CAPZB: variants seen among roughly 807,000 people sequenced by gnomAD.
CAPZB encodes capping actin protein of muscle Z-line subunit beta, also known as F-actin-capping protein subunit beta.
In CAPZB, 2 loss-of-function variants were observed where a neutral mutation model predicts 38.1. The observed-to-expected ratio is 0.05, with a 90% CI of 0.02 to 0.17. The LOEUF is 0.17. Ranked by LOEUF, CAPZB falls within the 10% of genes least tolerant of loss-of-function variation. The pLI, the probability that CAPZB is intolerant of heterozygous loss-of-function variation, is 1.00. For missense variants in CAPZB, 161 were observed against 334.2 expected (o/e 0.48, Z 4.04); for synonymous variants, 107 against 127.4 (o/e 0.84, Z 1.08).
chr1:19,406,527 T>C (rs917528006), intron 2 of CAPZB, among the ~76,000 whole-genome samples: 2 of 152,182 alleles, frequency 1.3e-5, no homozygotes, highest in Admixed American at 6.5e-5. Flanking sequence ...AGCCATCCTC[T>C]GGTGACCTGC....
intron 2 of CAPZB, among the ~76,000 whole-genome samples, chr1:19,418,158 A>C (rs1422122283): frequency 2.7e-5 from 4 of 149,852 alleles, no homozygotes; most frequent in South Asian, 2.1e-4. Flanking sequence ...AAAAAAAAAA[A>C]AAAAAAACCA....
At chr1:19,476,272 C>T (rs1006107487) in intron 1 of CAPZB, among the ~76,000 whole-genome samples, 1 of 152,134 alleles carries the variant, frequency 6.6e-6, no homozygotes, top group African/African-American at 2.4e-5. Context: ...TCCCAGCTGG[C>T]AGGCACTGTG....
At chr1:19,344,455 C>T (rs752903318) in intron 7 of CAPZB, 21 bp from the exon 8 acceptor site, 10 of 1,603,222 alleles carry the variant, frequency 6.2e-6, no homozygotes, top group Non-Finnish European at 8.5e-6. Flanking sequence ...GGTCGGTCAG[C>T]GCAGTGGCAA....
intron 4 of CAPZB, among the ~76,000 whole-genome samples, chr1:19,366,291 TATATATATATATATATATAA>T (rs1451422391): frequency 1.6e-5 from 1 of 61,580 alleles, no homozygotes; most frequent in African/African-American, 5.4e-5. Flanking sequence ...AAAATATATA[TATATATATATATATATATAA>T]ATAAAATAAA....
chr1:19,454,512 C>T (rs34362393), intron 1 of CAPZB, among the ~76,000 whole-genome samples: 19,125 of 152,102 alleles, frequency 0.13, 1,306 homozygotes, highest in Admixed American at 0.19. Flanking sequence ...AGTAGTGGCA[C>T]ATTTATGCAC....
rs185877155 is a variant in CAPZB, at chr1:19,378,438, G to T, written c.329+102C>A. ...TTGGCCGGGTAACAGATTCAAGGGA[G>T]AATGCTTGGCCAGGTAACAGATTCC... is the stretch of plus-strand genomic sequence containing the variant. On this transcript the variant is annotated intron_variant, in intron 4 of 8. Coordinates refer to ENST00000264202, the MANE Select transcript of CAPZB (RefSeq NM_004930.5). 2.2e-4 allele frequency: 160 copies of T among 730,346 alleles called. 1 individual carries two copies. The African/African-American group carries it at 2.4e-3, about 11-fold the overall frequency. 45.2% of individuals were successfully genotyped at this position (730,346 alleles called of 1,614,324 possible).
chr1:19,358,581 C>T (rs2094034536), intron 4 of CAPZB, among the ~76,000 whole-genome samples: 2 of 152,354 alleles, frequency 1.3e-5, no homozygotes, highest in South Asian at 4.1e-4. Context: ...CTGTGGCTCA[C>T]TGGGACTGCC....
chr1:19,483,439 G>T (rs2094637698), intron 1 of CAPZB, among the ~76,000 whole-genome samples: 1 of 152,222 alleles, frequency 6.6e-6, no homozygotes, highest in African/African-American at 2.4e-5. Context: ...AATGGGGACA[G>T]CCCCAGAAGG....
chr1:19,347,704 G>A (rs1024889862), intron 6 of CAPZB, among the ~76,000 whole-genome samples: 9 of 152,174 alleles, frequency 5.9e-5, no homozygotes, highest in African/African-American at 2.2e-4. Context: ...ATGGTCACAG[G>A]GTTAATACGG....
chr1:19,409,279 G>A (rs1463671265), intron 2 of CAPZB, among the ~76,000 whole-genome samples: 1 of 152,062 alleles, frequency 6.6e-6, no homozygotes, highest in African/African-American at 2.4e-5. Flanking sequence ...TCCCTCAAGA[G>A]ACTCAATGCC....
chr1:19,387,925 A>AT (rs1291194541), intron 2 of CAPZB, among the ~76,000 whole-genome samples: 2 of 152,134 alleles, frequency 1.3e-5, no homozygotes, highest in African/African-American at 4.8e-5. Flanking sequence ...CCTTTAGACA[A>AT]TATCATCTGT....
intron 1 of CAPZB, among the ~76,000 whole-genome samples, chr1:19,440,827 G>C (rs964303607): frequency 1.3e-5 from 2 of 152,190 alleles, no homozygotes; most frequent in African/African-American, 4.8e-5. Context: ...TTGGGAGGCC[G>C]AGGAGGGCAG....
intron 8 of CAPZB, among the ~76,000 whole-genome samples, chr1:19,343,470 C>T (rs1235149141): frequency 2.6e-5 from 4 of 152,230 alleles, no homozygotes; most frequent in Non-Finnish European, 5.9e-5. Context: ...CCGACTCACA[C>T]GGTGCTGCTG....
chr1:19,373,540 G>A (rs1005412264), intron 4 of CAPZB, among the ~76,000 whole-genome samples: 3 of 152,154 alleles, frequency 2.0e-5, no homozygotes, highest in Non-Finnish European at 4.4e-5. Context: ...TCTCTCCGGT[G>A]GCAGAGGGAG....
chr1:19,408,603 C>T (rs2094343797), intron 2 of CAPZB, among the ~76,000 whole-genome samples: 2 of 152,206 alleles, frequency 1.3e-5, no homozygotes, highest in East Asian at 1.9e-4. Flanking sequence ...CTTCTGCCAG[C>T]AAAAGGGGAG....
intron 6 of CAPZB, among the ~76,000 whole-genome samples, chr1:19,351,613 A>G (rs1168802633): frequency 6.6e-6 from 1 of 152,188 alleles, no homozygotes; most frequent in Non-Finnish European, 1.5e-5. Context: ...GGGCATTATC[A>G]ACACTGAGTT....
chr1:19,455,000 A>ACCGGT (rs2094528454), intron 1 of CAPZB, among the ~76,000 whole-genome samples: 1 of 152,238 alleles, frequency 6.6e-6, no homozygotes, highest in Non-Finnish European at 1.5e-5. Context: ...TTCACAGGAC[A>ACCGGT]CCGGTCCCGC....
intron 1 of CAPZB, among the ~76,000 whole-genome samples, chr1:19,472,130 A>C (rs2094590722): frequency 6.6e-6 from 1 of 152,216 alleles, no homozygotes; most frequent in South Asian, 2.1e-4. Flanking sequence ...CCTCCAGATA[A>C]AGTTATTAGA....
chr1:19,464,857 A>G (rs1199403513), intron 1 of CAPZB, among the ~76,000 whole-genome samples: 1 of 152,162 alleles, frequency 6.6e-6, no homozygotes, highest in Non-Finnish European at 1.5e-5. Flanking sequence ...GACAAAGCAG[A>G]TCAGTGGTTG....
Sources: allele counts gnomAD v4.1 joint callset (sites outside exome capture counted in the v4.1 genomes callset), GRCh38; gene constraint gnomAD v4.1.1; transcripts MANE v1.5; gene names NCBI Gene and HGNC (gene_info 2026-07-23, HGNC 2026-07-21).